IMMP2L: variants seen among roughly 807,000 people sequenced by gnomAD.
The protein encoded by IMMP2L is inner mitochondrial membrane peptidase subunit 2.
In IMMP2L, 18 loss-of-function variants were observed where a neutral mutation model predicts 19.3. That is an observed-to-expected ratio of 0.93 (90% CI 0.64 to 1.38). The LOEUF (loss-of-function observed/expected upper bound fraction) is 1.38. IMMP2L is among the 40% of genes most tolerant of loss of function. The probability of loss-of-function intolerance (pLI) is 0.00; values close to 1 mark genes in which losing one functional copy is unlikely to be tolerated. For synonymous variants in IMMP2L, 76 were observed against 73.0 expected (o/e 1.04, Z -0.21); for missense variants, 233 against 218.2 (o/e 1.07, Z -0.43).
At chr7:110,963,372 T>C (rs1819168408) in intron 4 of IMMP2L, 128 bp downstream of exon 4, 3 of 641,034 alleles carry the variant, frequency 4.7e-6, no homozygotes, top group Admixed American at 3.1e-5. Context: ...ACTAAAGATG[T>C]ACCAGCTCAT....
At chr7:110,921,784 T>C (rs569120943) in intron 4 of IMMP2L, among the ~76,000 whole-genome samples, 80 of 152,324 alleles carry the variant, frequency 5.3e-4, no homozygotes, top group Non-Finnish European at 9.8e-4. Context: ...TTGACATATA[T>C]ATGAAAACTG....
chr7:110,669,682 T>C (rs1791757151), intron 5 of IMMP2L, among the ~76,000 whole-genome samples: 1 of 152,226 alleles, frequency 6.6e-6, no homozygotes, highest in African/African-American at 2.4e-5. Context: ...GGGTAAGTAC[T>C]GTTACTGCCT....
At chr7:111,486,964 C>A (rs954744275) in intron 3 of IMMP2L, among the ~76,000 whole-genome samples, 3 of 152,006 alleles carry the variant, frequency 2.0e-5, no homozygotes, top group Non-Finnish European at 4.4e-5. Context: ...CAAAGTAGTA[C>A]CAAATGCATG....
chr7:111,372,314 C>G (rs1830326120), intron 3 of IMMP2L, among the ~76,000 whole-genome samples: 1 of 151,878 alleles, frequency 6.6e-6, no homozygotes, highest in African/African-American at 2.4e-5. Flanking sequence ...CAAAACACAA[C>G]AAAGAAAACT....
At chr7:111,550,690 G>A (rs1300679918) in intron 1 of IMMP2L, among the ~76,000 whole-genome samples, 1 of 152,060 alleles carries the variant, frequency 6.6e-6, no homozygotes, top group African/African-American at 2.4e-5. Flanking sequence ...TACTTCACAG[G>A]TCCTCTGTTA....
intron 3 of IMMP2L, among the ~76,000 whole-genome samples, chr7:111,010,154 T>C (rs1824781372): frequency 6.6e-6 from 1 of 152,174 alleles, no homozygotes; most frequent in Non-Finnish European, 1.5e-5. Context: ...CTAGAGCAGG[T>C]AACATTTTGT....
intron 3 of IMMP2L, among the ~76,000 whole-genome samples, chr7:111,249,342 G>T (rs985476533): frequency 7.1e-6 from 1 of 141,202 alleles, no homozygotes; most frequent in Non-Finnish European, 1.5e-5. Flanking sequence ...GACCCCTTGC[G>T]CTTCCCAGGT....
intron 3 of IMMP2L, among the ~76,000 whole-genome samples, chr7:111,360,273 A>C (rs573373742): frequency 6.6e-6 from 1 of 152,260 alleles, no homozygotes; most frequent in Admixed American, 6.5e-5. Context: ...TAATTATTAA[A>C]ATGTAACACT....
At chr7:111,031,617 G>T (rs557260786) in intron 3 of IMMP2L, among the ~76,000 whole-genome samples, 1 of 151,922 alleles carries the variant, frequency 6.6e-6, no homozygotes, top group Admixed American at 6.6e-5. Flanking sequence ...AGATAAAGAG[G>T]CAAGTATATC....
chr7:111,073,218 A>T (rs1795109126), intron 3 of IMMP2L, among the ~76,000 whole-genome samples: 1 of 152,166 alleles, frequency 6.6e-6, no homozygotes, highest in African/African-American at 2.4e-5. Flanking sequence ...ATGAGTGTAT[A>T]TATACACATA....
At chr7:111,554,924 G>A (rs750038477) in intron 1 of IMMP2L, among the ~76,000 whole-genome samples, 4 of 152,124 alleles carry the variant, frequency 2.6e-5, no homozygotes, top group Non-Finnish European at 5.9e-5. Flanking sequence ...ACTGCCCTGA[G>A]GGGTCCTTAA....
intron 3 of IMMP2L, among the ~76,000 whole-genome samples, chr7:111,301,828 C>G (rs1271645739): frequency 6.7e-6 from 1 of 149,682 alleles, no homozygotes; most frequent in Non-Finnish European, 1.5e-5. Context: ...TATCCCTCCA[C>G]CAATAACACA....
rs1281202586 is a variant in IMMP2L at position 110,869,366 on chromosome 7, T to C, written c.408+17227A>G. 3.3e-5 allele frequency among the ~76,000 whole-genome samples: 5 copies of C among 152,120 alleles called. No homozygotes were observed. The South Asian group carries it at 8.3e-4, about 25-fold the overall frequency. On this transcript the variant is annotated intron_variant, in intron 5 of 5. Coordinates refer to ENST00000405709, the MANE Select transcript of IMMP2L (RefSeq NM_032549.4). ...GTGCAATAGTTGTAAATAAAGTCAATAGAAACGAGAACGTCTAATCTTTAG... is the reference window on the plus strand; with the variant it reads ...GTGCAATAGTTGTAAATAAAGTCAACAGAAACGAGAACGTCTAATCTTTAG...
rs60262825 is a variant in IMMP2L, at chr7:111,483,884, A to C, written c.239+3354T>G. Among the ~76,000 whole-genome samples the C allele has an allele frequency of 7.3e-3, 1,118 of 152,320 alleles. 20 individuals carry two copies. Among genetic ancestry groups the C allele is most frequent in the African/African-American group, 0.026 (1,073 of 41,572 alleles). On this transcript the variant is annotated intron_variant, in intron 3 of 5. Coordinates refer to ENST00000405709, the MANE Select transcript of IMMP2L (RefSeq NM_032549.4). The stretch of plus-strand genomic sequence containing the variant: ...GAAGGCTACGTATACTAATGGCAGC[A>C]AACCAGGAAGGAATCAGTATTATAC...
chr7:110,993,687 A>C (rs1296689593), intron 3 of IMMP2L, among the ~76,000 whole-genome samples: 2 of 152,088 alleles, frequency 1.3e-5, no homozygotes, highest in African/African-American at 4.8e-5. Context: ...GTCAATGTCC[A>C]ACTGGATATT....
chr7:110,740,064 A>T (rs1796898125), intron 5 of IMMP2L, among the ~76,000 whole-genome samples: 1 of 152,170 alleles, frequency 6.6e-6, no homozygotes, highest in African/African-American at 2.4e-5. Context: ...AGCAAAAGCA[A>T]TGCTAAGAGG....
rs116690159 is a variant in IMMP2L, at chr7:111,411,281, A to G, written c.239+75957T>C. The G allele has an allele frequency of 4.3e-3, 889 of 207,616 alleles. 29 individuals are homozygous for G. The highest frequency in any genetic ancestry group is 0.02 in the African/African-American group (844 of 42,584). 12.9% of individuals were successfully genotyped at this position (207,616 alleles called of 1,614,324 possible). A position where few individuals can be genotyped will look rare whatever the true frequency, so the allele number is the denominator to read the frequency against. On this transcript the variant is annotated intron_variant, in intron 3 of 5. Coordinates refer to ENST00000405709, the MANE Select transcript of IMMP2L (RefSeq NM_032549.4). ...ACTAAAAATCATACAGCCAGATCAA[A>G]TATTTTTCAAAAATGAACACAAAGG...
At chr7:111,482,984 T>A (rs1842323854) in intron 3 of IMMP2L, among the ~76,000 whole-genome samples, 1 of 152,054 alleles carries the variant, frequency 6.6e-6, no homozygotes, top group Non-Finnish European at 1.5e-5. Flanking sequence ...AAATATGGGA[T>A]CTTGAGTAGG....
At chr7:111,174,169 TCAGTGAAC>T (rs796325789) in intron 3 of IMMP2L, among the ~76,000 whole-genome samples, 29 of 151,848 alleles carry the variant, frequency 1.9e-4, no homozygotes, top group African/African-American at 7.0e-4. Context: ...ACTACAATCA[TCAGTGAAC>T]TGGCTATAAC....
Sources: allele counts gnomAD v4.1 joint callset (sites outside exome capture counted in the v4.1 genomes callset), GRCh38; gene constraint gnomAD v4.1.1; transcripts MANE v1.5; gene names NCBI Gene and HGNC (gene_info 2026-07-23, HGNC 2026-07-21).